The following LYN variants were observed in gnomAD, a reference collection of about 807,000 sequenced individuals.
The protein encoded by LYN is tyrosine-protein kinase Lyn.
In LYN, 12 loss-of-function variants were observed where a neutral mutation model predicts 65.0. The observed-to-expected ratio is 0.18, with a 90% CI of 0.12 to 0.30. The LOEUF is 0.30. LYN is among the 10% of genes least tolerant of loss of function. The pLI is 1.00. For missense variants in LYN, 380 were observed against 623.2 expected, an observed-to-expected ratio of 0.61 and a Z score of 4.16; for synonymous variants, 222 against 221.2, an observed-to-expected ratio of 1.00 and a Z score of -0.03.
At chr8:55,971,002 AC>A (rs1443873726) in intron 10 of LYN, among the ~76,000 whole-genome samples, 1 of 152,120 alleles carries the variant, frequency 6.6e-6, no homozygotes, top group Non-Finnish European at 1.5e-5. Context: ...AGCTGGGAAA[AC>A]CCAAGGGAGG....
intron 1 of LYN, among the ~76,000 whole-genome samples, chr8:55,929,254 T>C (rs1304980286): frequency 6.6e-6 from 1 of 152,240 alleles, no homozygotes; most frequent in African/African-American, 2.4e-5. Flanking sequence ...GTAGAATAGA[T>C]CCTTCTTACT....
At chr8:55,969,667 T>A in intron 9 of LYN, 50 bp from the exon 10 acceptor site, 1 of 1,391,942 alleles carries the variant, frequency 7.2e-7, no homozygotes. Context: ...TTGTTTGGAT[T>A]TTTTCTTGTG....
intron 8 of LYN, among the ~76,000 whole-genome samples, chr8:55,957,555 C>T (rs1563528821): frequency 1.3e-5 from 2 of 152,214 alleles, no homozygotes; most frequent in African/African-American, 4.8e-5. Flanking sequence ...CATCAAATTG[C>T]ATGCTATTTG....
At chr8:55,992,670 C>T (rs2130572992) in intron 10 of LYN, among the ~76,000 whole-genome samples, 1 of 152,282 alleles carries the variant, frequency 6.6e-6, no homozygotes, top group Non-Finnish European at 1.5e-5. Flanking sequence ...CCTAAAATAG[C>T]TTAAGCTTTC....
At chr8:55,928,388 C>T (rs62515367) in intron 1 of LYN, among the ~76,000 whole-genome samples, 25,932 of 152,178 alleles carry the variant, frequency 0.17, 2,851 homozygotes, top group Non-Finnish European at 0.24. Context: ...TCAGGTGATC[C>T]GCCGACCTTG....
At position 55,935,525 on chromosome 8, in the gene LYN, G is replaced by A. The variant is rs545631243; in HGVS notation, c.-5-6330G>A. On this transcript the variant is annotated intron_variant, in intron 1 of 12. Transcript: ENST00000519728. ...GCAGTGGCTCACGCCTGTAATCCCA[G>A]CACTTTGGGAGGCCGAGGCGGGTGT... Among the ~76,000 whole-genome samples, 4 of 152,328 alleles carry A rather than the reference G, an allele frequency of 2.6e-5. No homozygotes were observed. In the South Asian group the frequency reaches 8.3e-4, roughly 32 times the overall value.
intron 3 of LYN, among the ~76,000 whole-genome samples, chr8:55,946,948 C>CTATAA (rs1806796963): frequency 6.6e-6 from 1 of 152,070 alleles, no homozygotes; most frequent in Non-Finnish European, 1.5e-5. Context: ...ATAATATTTC[C>CTATAA]TTGTAAGTAT....
chr8:55,977,869 T>C (rs1807800657), intron 10 of LYN, among the ~76,000 whole-genome samples: 1 of 151,982 alleles, frequency 6.6e-6, no homozygotes, highest in Admixed American at 6.6e-5. Flanking sequence ...AAGTGAGCTA[T>C]GATTACACCC....
chr8:55,958,054 G>A lies in LYN; in HGVS notation c.790+4070G>A, dbSNP rs954819847. Among the ~76,000 whole-genome samples the A allele has an allele frequency of 3.9e-5, 6 of 152,336 alleles. No individual in the cohort carries two copies. The East Asian group carries it at 7.7e-4, about 20-fold the overall frequency. ...GCGTCCTGCAGGGGGTGCCTGGCGA[G>A]GTTGGGAGCAGGAAGTCAGGAGCTA... is the stretch of plus-strand genomic sequence containing the variant. On this transcript the variant is annotated intron_variant, in intron 8 of 12. Transcript: ENST00000519728.
At chr8:55,919,706 GTC>G (rs1432210461) in intron 1 of LYN, among the ~76,000 whole-genome samples, 1 of 152,194 alleles carries the variant, frequency 6.6e-6, no homozygotes, top group East Asian at 1.9e-4. Context: ...ACCAGGCCAA[GTC>G]CCTTCCCTTC....
intron 12 of LYN, among the ~76,000 whole-genome samples, chr8:56,008,124 AAAAATAAAAT>A (rs1000414913): frequency 1.9e-3 from 162 of 86,724 alleles, no homozygotes; most frequent in Non-Finnish European, 8.3e-4. Context: ...GCCTCAAAAA[AAAAATAAAAT>A]AAAATAAAAT....
chr8:55,978,286 G>A (rs1454242797), intron 10 of LYN, among the ~76,000 whole-genome samples: 1 of 152,222 alleles, frequency 6.6e-6, no homozygotes, highest in Non-Finnish European at 1.5e-5. Flanking sequence ...AGGGGTGAAA[G>A]CTAGAGTCCA....
chr8:56,005,458 G>C (rs746614433), intron 12 of LYN, among the ~76,000 whole-genome samples: 5 of 152,192 alleles, frequency 3.3e-5, no homozygotes, highest in African/African-American at 4.8e-5. Flanking sequence ...CTCGGCGCTG[G>C]CCTCCCTCCC....
intron 1 of LYN, among the ~76,000 whole-genome samples, chr8:55,935,106 C>T (rs1216027836): frequency 6.6e-6 from 1 of 152,164 alleles, no homozygotes; most frequent in Non-Finnish European, 1.5e-5. Context: ...TGAGGGATTC[C>T]CGGCACCGAA....
intron 1 of LYN, among the ~76,000 whole-genome samples, chr8:55,895,259 TGGACTAAGGAGACTGACCAGAGCAGAA>T (rs1805062377): frequency 6.6e-6 from 1 of 152,120 alleles, no homozygotes; most frequent in South Asian, 2.1e-4. Flanking sequence ...GAGGGAATAT[TGGACTAAGGAGACTGACCAGAGCAGAA>T]CAGTTTCCAA....
At chr8:55,924,493 G>A (rs950955221) in intron 1 of LYN, among the ~76,000 whole-genome samples, 1 of 151,826 alleles carries the variant, frequency 6.6e-6, no homozygotes, top group African/African-American at 2.4e-5. Context: ...CTCCCTAGTG[G>A]CTGGGATTAC....
intron 12 of LYN, among the ~76,000 whole-genome samples, chr8:55,999,761 C>G (rs1268627358): frequency 6.6e-6 from 1 of 152,068 alleles, no homozygotes. Context: ...CACCTGAGGT[C>G]GGGAGTTGGA....
chr8:55,951,482 T>C (rs2130493810), intron 6 of LYN, among the ~76,000 whole-genome samples: 1 of 152,094 alleles, frequency 6.6e-6, no homozygotes, highest in South Asian at 2.1e-4. Flanking sequence ...CTGGGCAACA[T>C]AGCAAGAGCC....
intron 12 of LYN, among the ~76,000 whole-genome samples, chr8:56,003,959 T>C (rs1251333226): frequency 7.2e-6 from 1 of 138,152 alleles, no homozygotes; most frequent in Non-Finnish European, 1.6e-5. Flanking sequence ...TGAGATGGAG[T>C]TTCACTCTTG....
Sources: gnomAD v4.1 joint callset for allele counts (sites outside exome capture counted in the v4.1 genomes callset) on GRCh38, gnomAD v4.1.1 for gene constraint, MANE v1.5 for transcripts, NCBI Gene and HGNC (gene_info 2026-07-23, HGNC 2026-07-21) for gene names.